Variants in UHRF1 observed in about 807,000 individuals in gnomAD.
The protein encoded by UHRF1 is ubiquitin like with PHD and ring finger domains 1, also known as E3 ubiquitin-protein ligase UHRF1.
UHRF1 carries 9 observed loss-of-function variants against 96.5 expected under a neutral mutation model. That is an observed-to-expected ratio of 0.09 (90% CI 0.06 to 0.16). UHRF1 has a LOEUF of 0.16. Among genes scored for constraint, UHRF1 ranks in the 10% least tolerant of loss-of-function variants. The pLI is 1.00. For missense variants in UHRF1, 626 were observed against 1,131.1 expected, an observed-to-expected ratio of 0.55 and a Z score of 6.40; for synonymous variants, 455 against 469.9, an observed-to-expected ratio of 0.97 and a Z score of 0.41.
intron 11 of UHRF1, among the ~76,000 whole-genome samples, chr19:4,948,121 C>A (rs1413784663): frequency 2.6e-4 from 34 of 130,918 alleles, no homozygotes; most frequent in South Asian, 4.8e-4. Flanking sequence ...AAAAAAAAAA[C>A]CCCTCCAAAA....
intron 2 of UHRF1, among the ~76,000 whole-genome samples, chr19:4,920,921 C>G (rs751013692): frequency 6.7e-6 from 1 of 148,166 alleles, no homozygotes; most frequent in Non-Finnish European, 1.5e-5. Flanking sequence ...GTCAAGAGAT[C>G]GAAACCATCC....
At chr19:4,923,367 G>A (rs1417414083) in intron 2 of UHRF1, among the ~76,000 whole-genome samples, 1 of 151,948 alleles carries the variant, frequency 6.6e-6, no homozygotes, top group African/African-American at 2.4e-5. Context: ...TGCTCTCCAG[G>A]CAGCCCCTCG....
rs1394718885 is a variant in UHRF1, at chr19:4,929,261, C to A, written c.193C>A (p.Leu65Met). 1 of 1,613,930 alleles carries A rather than the reference C, an allele frequency of 6.2e-7. No homozygotes were observed. Among genetic ancestry groups the A allele is most frequent in the Non-Finnish European group, 8.5e-7 (1 of 1,179,890 alleles). Reference sequence around the variant, plus strand: ...TACCCTCTTCGACTACGAGGTCCGCCTGAATGACACCATCCAGCTCCTGGT... The same window carrying A: ...TACCCTCTTCGACTACGAGGTCCGCATGAATGACACCATCCAGCTCCTGGT... ...GHTLFDYEVR[L>M]NDTIQLLVRQ... Residue 65 changes from leucine to methionine, a missense_variant, in exon 3 of 17, where the codon CTG becomes ATG. Physicochemically the swap from Leu to Met is conservative, Grantham distance 15 (BLOSUM62 2). Coordinates refer to ENST00000650932, the MANE Select transcript of UHRF1 (RefSeq NM_001048201.3).
At chr19:4,934,990 T>C (rs543577703) in intron 5 of UHRF1, among the ~76,000 whole-genome samples, 9 of 152,096 alleles carry the variant, frequency 5.9e-5, no homozygotes, top group African/African-American at 2.2e-4. Context: ...CTTTTTTTTT[T>C]TGAGACAGAG....
intron 13 of UHRF1, among the ~76,000 whole-genome samples, chr19:4,951,714 A>G (rs546001014): frequency 9.9e-5 from 15 of 151,102 alleles, no homozygotes; most frequent in African/African-American, 3.4e-4. Flanking sequence ...AAAAAAAAAA[A>G]GCAGAAACAA....
chr19:4,928,755 C>T (rs2032951142), intron 2 of UHRF1, among the ~76,000 whole-genome samples: 1 of 152,190 alleles, frequency 6.6e-6, no homozygotes, highest in African/African-American at 2.4e-5. Flanking sequence ...TGGCCTCCAC[C>T]CACTCCATGC....
intron 2 of UHRF1, among the ~76,000 whole-genome samples, chr19:4,919,700 A>G (rs2032639921): frequency 6.6e-6 from 1 of 152,128 alleles, no homozygotes; most frequent in South Asian, 2.1e-4. Flanking sequence ...GGAGACCTTG[A>G]GTTAGGGCTG....
At chr19:4,950,566 G>C (rs1173184360) in intron 11 of UHRF1, 45 bp from the exon 12 acceptor site, 2 of 1,580,472 alleles carry the variant, frequency 1.3e-6, no homozygotes, top group Non-Finnish European at 1.7e-6. Flanking sequence ...TTTTTGGGGG[G>C]TACATCCTCA....
chr19:4,916,256 A>T (rs940021983), intron 2 of UHRF1, among the ~76,000 whole-genome samples: 3 of 151,896 alleles, frequency 2.0e-5, no homozygotes, highest in African/African-American at 7.3e-5. Flanking sequence ...CAGTGAACCA[A>T]GATTGTACCA....
rs764537570 is a variant in UHRF1 at position 4,944,230 on chromosome 19, C to T, written c.1172C>T (p.Ser391Leu). ...AAGGCGAAGATGGCCTCGGCCACAT[C>T]GTCCTCACAGCGGGACTGGGGCAAG... The part of the protein sequence containing the change: ...KKKAKMASAT[S>L]SSQRDWGKGM... The change falls in exon 8 of 17, where the codon TCG (serine) becomes TTG (leucine). Residue 391 changes from serine (S) to leucine (L), a missense_variant. By Grantham distance (145) the Ser-to-Leu change is moderately radical. This residue lies in a region of UHRF1 where 69 missense variants were observed against 159.8 expected (regional missense o/e 0.43). Transcript: ENST00000650932. 38 of 1,613,944 alleles carry T rather than the reference C, an allele frequency of 2.4e-5. No individual in the cohort carries two copies. The highest frequency in any genetic ancestry group is 2.9e-5 in the Non-Finnish European group (34 of 1,179,908).
intron 7 of UHRF1, among the ~76,000 whole-genome samples, chr19:4,942,336 G>A (rs942056776): frequency 1.3e-5 from 2 of 151,848 alleles, no homozygotes; most frequent in African/African-American, 2.4e-5. Context: ...GACTACAGGC[G>A]CCCGCCTCCA....
chr19:4,946,969 T>G lies in UHRF1; in HGVS notation c.1411-136T>G. On this transcript the variant is annotated intron_variant, in intron 10 of 16. Coordinates refer to ENST00000650932, the MANE Select transcript of UHRF1 (RefSeq NM_001048201.3). ...CAACAGTTTACAAAGGGCTCCAATT[T>G]CCCCACATTCTCACCAACGCTTGTT... is the stretch of plus-strand genomic sequence containing the variant. The G allele has an allele frequency of 1.6e-5, 11 of 669,918 alleles. No homozygotes were observed. In the South Asian group the frequency reaches 2.1e-4, roughly 13 times the overall value. The allele number at this position is 669,918 out of a possible 1,614,324, so 41.5% of individuals were successfully genotyped here.
At chr19:4,923,678 C>T (rs547827248) in intron 2 of UHRF1, among the ~76,000 whole-genome samples, 102 of 152,296 alleles carry the variant, frequency 6.7e-4, no homozygotes, top group Non-Finnish European at 1.2e-3. Flanking sequence ...GTGCTCACTG[C>T]GGGTGATTCC....
upstream of UHRF1, among the ~76,000 whole-genome samples, chr19:4,908,634 C>T (rs540789137): frequency 9.2e-5 from 14 of 152,272 alleles, no homozygotes; most frequent in African/African-American, 2.6e-4. Context: ...AGAGGCCCAC[C>T]GCAGTGGCCC....
rs1429112990 is a variant in UHRF1, at chr19:4,961,884, T to C, written c.*1081T>C. The C allele has an allele frequency of 7.4e-6, 1 of 134,394 alleles. No homozygotes were observed. The highest frequency in any genetic ancestry group is 2.1e-4 in the East Asian group (1 of 4,810). The allele number at this position is 134,394 out of a possible 1,614,324, so 8.3% of individuals were successfully genotyped here. On this transcript the variant is annotated 3_prime_UTR_variant, in exon 17 of 17. Transcript: ENST00000650932. ...AACGTTAGGGTTTGGTTGTTTTTGT[T>C]TTTGTATTTTTTTTCTTTTGAAAGG...
intron 2 of UHRF1, 27 bp from the exon 3 acceptor site, chr19:4,929,195 C>G: frequency 6.3e-7 from 1 of 1,595,006 alleles, no homozygotes; most frequent in Non-Finnish European, 8.6e-7. Flanking sequence ...GGTGGCTAAA[C>G]AGCGTCTGCC....
At chr19:4,931,537 A>T (rs1466919021) in intron 4 of UHRF1, among the ~76,000 whole-genome samples, 1 of 148,992 alleles carries the variant, frequency 6.7e-6, no homozygotes, top group African/African-American at 2.5e-5. Flanking sequence ...GCGTGGTCTC[A>T]GCTCACTGCA....
intron 2 of UHRF1, among the ~76,000 whole-genome samples, chr19:4,921,118 G>T (rs192606199): frequency 3.5e-4 from 51 of 145,634 alleles, no homozygotes; most frequent in African/African-American, 1.2e-3. Flanking sequence ...GGGAGACTCC[G>T]TCTCAAAAAA....
At chr19:4,936,262 T>C (rs1232117924) in intron 5 of UHRF1, among the ~76,000 whole-genome samples, 1 of 152,192 alleles carries the variant, frequency 6.6e-6, no homozygotes. Flanking sequence ...TGCCCATCGT[T>C]AGCACCTTCG....
Sources: allele counts gnomAD v4.1 joint callset (sites outside exome capture counted in the v4.1 genomes callset), GRCh38; gene constraint gnomAD v4.1.1; regional missense constraint gnomAD v4.1.1; transcripts MANE v1.5; gene names NCBI Gene and HGNC (gene_info 2026-07-23, HGNC 2026-07-21).